MALRD1: variants seen among roughly 807,000 people sequenced by gnomAD.
The protein encoded by MALRD1 is MAM and LDL receptor class A domain containing 1, also known as MAM and LDL-receptor class A domain-containing protein 1.
Under a neutral mutation model 242.1 loss-of-function variants are expected in MALRD1, and 247 were observed. The ratio of observed to expected loss-of-function variants is 1.02; its 90% CI spans 0.92 to 1.13. MALRD1 has a LOEUF of 1.13. MALRD1 is among the 50% of genes most tolerant of loss of function. The probability of loss-of-function intolerance (pLI) is 0.00; values close to 1 mark genes in which losing one functional copy is unlikely to be tolerated. For missense variants in MALRD1, 2,989 were observed against 2,533.1 expected, an observed-to-expected ratio of 1.18 and a Z score of -3.86; for synonymous variants, 995 against 866.6, an observed-to-expected ratio of 1.15 and a Z score of -2.60.
chr10:19,170,069 C>A (rs1413774938), intron 13 of MALRD1, among the ~76,000 whole-genome samples: 1 of 152,138 alleles, frequency 6.6e-6, no homozygotes, highest in Non-Finnish European at 1.5e-5. Context: ...AATAAGCACC[C>A]CTAGTTAGGT....
At position 19,730,740 on chromosome 10, in the gene MALRD1, A is replaced by C. The variant is rs1425418666; in HGVS notation, c.6349A>C (p.Asn2117His). The C allele has an allele frequency of 6.5e-7, 1 of 1,536,662 alleles. No homozygotes were observed. The highest frequency in any genetic ancestry group is 2.0e-5 in the Admixed American group (1 of 50,998). Residue 2117 changes from asparagine to histidine, a missense_variant, in exon 39 of 40, where the codon AAT (asparagine) becomes CAT (histidine). By Grantham distance (68) the Asn-to-His change is moderately conservative (BLOSUM62 1). Coordinates refer to ENST00000454679, the MANE Select transcript of MALRD1 (RefSeq NM_001142308.3). ...TEGSGNCAFV[N>H]PVYGNWSNPE... ...GGGAAGTGGTAACTGTGCCTTTGTC[A>C]ATCCAGTTTACGGGAACTGGAGCAA...
At chr10:19,468,564 T>C (rs1836340989) in intron 29 of MALRD1, among the ~76,000 whole-genome samples, 2 of 152,024 alleles carry the variant, frequency 1.3e-5, no homozygotes, top group African/African-American at 4.8e-5. Context: ...ATATTAAATA[T>C]CATAAGCACA....
intron 32 of MALRD1, among the ~76,000 whole-genome samples, chr10:19,553,153 C>T (rs1247629120): frequency 6.6e-6 from 1 of 151,890 alleles, no homozygotes; most frequent in Non-Finnish European, 1.5e-5. Flanking sequence ...TGGTTATTGA[C>T]AATCTGGGAA....
chr10:19,722,927 C>G (rs1320105973), intron 38 of MALRD1, among the ~76,000 whole-genome samples: 1 of 152,136 alleles, frequency 6.6e-6, no homozygotes, highest in East Asian at 1.9e-4. Context: ...TACTAATCAA[C>G]TTAGTAAGTC....
intron 36 of MALRD1, among the ~76,000 whole-genome samples, chr10:19,627,778 A>AT (rs1221675139): frequency 3.1e-4 from 46 of 147,446 alleles, no homozygotes; most frequent in African/African-American, 1.2e-3. Context: ...AAAAAAAAAA[A>AT]GGAAAAAAGG....
chr10:19,295,475 G>GTGTA (rs1841652472), intron 21 of MALRD1, among the ~76,000 whole-genome samples: 1 of 151,796 alleles, frequency 6.6e-6, no homozygotes, highest in South Asian at 2.1e-4. Flanking sequence ...GTGTGTGTGT[G>GTGTA]TGTGTGTGTG....
intron 36 of MALRD1, among the ~76,000 whole-genome samples, chr10:19,681,570 A>G (rs1244330928): frequency 2.0e-5 from 3 of 151,422 alleles, no homozygotes; most frequent in African/African-American, 7.3e-5. Context: ...ATGTTTTATC[A>G]TGGTTCTTAG....
In MALRD1 at chr10:19,333,592, G is replaced by A. The variant is rs142926696; in HGVS notation, c.3901+2010G>A. Among the ~76,000 whole-genome samples, 34 of 152,156 alleles carry A rather than the reference G, an allele frequency of 2.2e-4. No homozygotes were observed. In the East Asian group the frequency reaches 6.2e-3, roughly 28 times the overall value. On this transcript the variant is annotated intron_variant, in intron 24 of 39. Transcript: ENST00000454679. ...TTCCATGTCTTTGCTATTGTGAATC[G>A]TGCTCCGATGAACATAGGAATGCGT... is the stretch of plus-strand genomic sequence containing the variant.
chr10:19,509,646 T>A (rs781123880), intron 31 of MALRD1, among the ~76,000 whole-genome samples: 19 of 152,178 alleles, frequency 1.2e-4, no homozygotes, highest in Non-Finnish European at 2.2e-4. Context: ...GTCAGCTGAA[T>A]GATTTGTTCT....
intron 26 of MALRD1, among the ~76,000 whole-genome samples, chr10:19,352,859 A>G (rs1011971792): frequency 6.6e-6 from 1 of 152,172 alleles, no homozygotes; most frequent in African/African-American, 2.4e-5. Context: ...ATTCCTACAG[A>G]TACAATGTTG....
intron 36 of MALRD1, among the ~76,000 whole-genome samples, chr10:19,687,199 T>C (rs960745036): frequency 6.6e-6 from 1 of 152,184 alleles, no homozygotes; most frequent in Non-Finnish European, 1.5e-5. Context: ...ACAAGTATTA[T>C]TTAATATTTA....
intron 11 of MALRD1, among the ~76,000 whole-genome samples, chr10:19,146,592 G>A (rs1382805421): frequency 6.6e-6 from 1 of 152,144 alleles, no homozygotes; most frequent in African/African-American, 2.4e-5. Flanking sequence ...TAAAGAGGTG[G>A]AAAAGTTTTC....
chr10:19,616,759 TA>T (rs1392784822), intron 36 of MALRD1, among the ~76,000 whole-genome samples: 2 of 151,942 alleles, frequency 1.3e-5, no homozygotes, highest in Admixed American at 6.6e-5. Context: ...AATTTATTCC[TA>T]AAAAAATTCT....
At chr10:19,163,137 TAAAAAAAA>T (rs58034381) in intron 12 of MALRD1, among the ~76,000 whole-genome samples, 2,082 of 43,844 alleles carry the variant, frequency 0.047, 114 homozygotes, top group African/African-American at 0.16. Context: ...AAACCCTGTC[TAAAAAAAA>T]AAAAAAAAAA....
chr10:19,432,991 G>A (rs890868920), intron 28 of MALRD1, among the ~76,000 whole-genome samples: 5 of 152,164 alleles, frequency 3.3e-5, no homozygotes, highest in Admixed American at 2.6e-4. Context: ...TAATGCGTCT[G>A]CACACATATA....
intron 29 of MALRD1, 141 bp from the exon 30 acceptor site, chr10:19,491,376 G>A (rs1837485404): frequency 1.0e-6 from 1 of 974,184 alleles, no homozygotes; most frequent in African/African-American, 1.6e-5. Flanking sequence ...GAAAGAGGAA[G>A]TTGGGGAAGT....
intron 33 of MALRD1, among the ~76,000 whole-genome samples, chr10:19,572,521 A>G (rs779495225): frequency 2.6e-5 from 4 of 152,182 alleles, no homozygotes; most frequent in Admixed American, 2.0e-4. Flanking sequence ...ACACAACCCT[A>G]TGGAGATTGC....
At chr10:19,322,864 T>C (rs1428295272) in intron 21 of MALRD1, among the ~76,000 whole-genome samples, 1 of 152,176 alleles carries the variant, frequency 6.6e-6, no homozygotes, top group Admixed American at 6.6e-5. Flanking sequence ...ATATTTAATT[T>C]AGAAAGTGGC....
chr10:19,700,955 C>G (rs1189178371), intron 38 of MALRD1, among the ~76,000 whole-genome samples: 3 of 152,064 alleles, frequency 2.0e-5, no homozygotes, highest in Non-Finnish European at 4.4e-5. Flanking sequence ...CAAGACTACC[C>G]TGGGCAACAT....
Sources: allele counts gnomAD v4.1 joint callset (sites outside exome capture counted in the v4.1 genomes callset), GRCh38; gene constraint gnomAD v4.1.1; transcripts MANE v1.5; gene names NCBI Gene and HGNC (gene_info 2026-07-23, HGNC 2026-07-21).